The following MCC variants were observed in gnomAD, a reference collection of about 807,000 sequenced individuals.
MCC encodes the protein MCC regulator of Wnt signaling pathway, also known as colorectal mutant cancer protein.
In MCC, 90 loss-of-function variants were observed where a neutral mutation model predicts 116.2. The ratio of observed to expected loss-of-function variants is 0.77; its 90% CI spans 0.65 to 0.92. The LOEUF (loss-of-function observed/expected upper bound fraction) is 0.92, where lower values mean the gene tolerates loss of function less well. Ranked by LOEUF, MCC falls within the 40% of genes least tolerant of loss-of-function variation. The probability of loss-of-function intolerance (pLI) is 0.00; values close to 1 mark genes in which losing one functional copy is unlikely to be tolerated. For synonymous variants in MCC, 578 were observed against 510.5 expected, an observed-to-expected ratio of 1.13 and a Z score of -1.78; for missense variants, 1,516 against 1,312.2, an observed-to-expected ratio of 1.16 and a Z score of -2.40.
rs1366951907 is a variant in MCC at position 113,122,772 on chromosome 5, C to G, written c.939G>C (p.Glu313Asp). Residue 313 changes from glutamate to aspartate, a missense_variant, in exon 6 of 19, where the codon GAG (glutamate) becomes GAC (aspartate). Coordinates refer to ENST00000408903, the MANE Select transcript of MCC (RefSeq NM_001085377.2). ...LRSELSQSQH[E>D]VNEDSRSMDQ... ...CCATGCTTCGAGAGTCCTCGTTGACCTCGTGTTGGCTCTGGCTGAGTTCTG... is the reference window on the plus strand; with the variant it reads ...CCATGCTTCGAGAGTCCTCGTTGACGTCGTGTTGGCTCTGGCTGAGTTCTG... The G allele has an allele frequency of 1.2e-6, 2 of 1,614,042 alleles. No homozygotes were observed. Among genetic ancestry groups the G allele is most frequent in the African/African-American group, 2.7e-5 (2 of 74,906 alleles).
chr5:113,469,624 A>G (rs1412241631), intron 1 of MCC, among the ~76,000 whole-genome samples: 3 of 152,160 alleles, frequency 2.0e-5, no homozygotes, highest in African/African-American at 7.2e-5. Context: ...ATTTTGGAGT[A>G]GGTGTGGTGT....
At chr5:113,268,841 G>C (rs556184870) in intron 3 of MCC, among the ~76,000 whole-genome samples, 1 of 152,202 alleles carries the variant, frequency 6.6e-6, no homozygotes, top group African/African-American at 2.4e-5. Flanking sequence ...AAACACATTA[G>C]CTAAAACACA....
intron 3 of MCC, among the ~76,000 whole-genome samples, chr5:113,239,073 T>C (rs1353429070): frequency 6.6e-6 from 1 of 152,234 alleles, no homozygotes; most frequent in Non-Finnish European, 1.5e-5. Flanking sequence ...TTTTAGGATA[T>C]ATAACATTAA....
Position 113,027,383 on chromosome 5 carries a change from G to T in MCC, c.2979C>A (p.Thr993=). ...QMMAMVERHE[T]QVRMLKQRIA... ...TTCTTTGCTTGAGCATCCTCACTTG[G>T]GTCTCATGTCTCTCCACCATGGCCA... The change falls in exon 19 of 19, where the codon ACC becomes ACA. Residue 993 remains threonine, a synonymous_variant. Coordinates refer to ENST00000408903, the MANE Select transcript of MCC (RefSeq NM_001085377.2). The T allele has an allele frequency of 1.2e-6, 2 of 1,614,034 alleles. No individual in the cohort carries two copies. The highest frequency in any genetic ancestry group is 1.7e-6 in the Non-Finnish European group (2 of 1,179,988).
rs1351941896 is a variant in MCC at position 113,023,860 on chromosome 5, G to A, written c.*3442C>T. 6.6e-6 allele frequency: 1 copy of A among 152,188 alleles called. No homozygotes were observed. 9.4% of individuals were successfully genotyped at this position (152,188 alleles called of 1,614,324 possible). A position where few individuals can be genotyped will look rare whatever the true frequency, so the allele number is the denominator to read the frequency against. ...TGCTTTATAATTCTCGTGGGCCATA[G>A]GAAACACCTTCAGAAGGGAACAAGC... On this transcript the variant is annotated 3_prime_UTR_variant, in exon 19 of 19. Transcript: ENST00000408903.
intron 2 of MCC, among the ~76,000 whole-genome samples, chr5:113,344,005 T>G (rs766953277): frequency 1.8e-4 from 27 of 152,128 alleles, no homozygotes; most frequent in Non-Finnish European, 2.9e-4. Context: ...GGTTTTGACT[T>G]CCTCTCACTG....
intron 3 of MCC, among the ~76,000 whole-genome samples, chr5:113,286,399 G>A (rs1766264411): frequency 6.6e-6 from 1 of 152,186 alleles, no homozygotes. Context: ...AACTGCTTCA[G>A]TATTTCTCAC....
Position 113,229,674 on chromosome 5 carries a change from C to T in MCC, c.628-78252G>A, listed in dbSNP as rs1237730772. On this transcript the variant is annotated intron_variant, in intron 3 of 18. Transcript: ENST00000408903. ...AGTCAAAGACAGGCCACATATACAA[C>T]GGTGGTCCTGTAAGATTGTAATACC... Among the ~76,000 whole-genome samples the T allele has an allele frequency of 3.3e-5, 5 of 152,314 alleles. No individual in the cohort carries two copies. In the South Asian group the frequency reaches 6.2e-4, roughly 19 times the overall value.
intron 1 of MCC, 34 bp downstream of exon 1, chr5:113,488,211 G>A (rs774620253): frequency 1.3e-6 from 2 of 1,578,204 alleles, no homozygotes; most frequent in African/African-American, 1.4e-5. Flanking sequence ...GACTGATCTC[G>A]CTCCTGTCGG....
intron 3 of MCC, among the ~76,000 whole-genome samples, chr5:113,223,565 G>A (rs2150330378): frequency 6.6e-6 from 1 of 152,272 alleles, no homozygotes; most frequent in South Asian, 2.1e-4. Context: ...TCTATATTAA[G>A]GCAGTGGAAG....
Position 113,093,469 on chromosome 5 carries a change from A to ATCTCTCTC in MCC, c.1399-8167_1399-8160dup, listed in dbSNP as rs144701142. Among the ~76,000 whole-genome samples, 528 of 149,292 alleles carry ATCTCTCTC rather than the reference A, an allele frequency of 3.5e-3. 5 individuals are homozygous for ATCTCTCTC. Among genetic ancestry groups the ATCTCTCTC allele is most frequent in the Middle Eastern group, 0.011 (3 of 282 alleles). ...ATCTATCTTATCTATCTATCTGTTG[A>ATCTCTCTC]TCTCTCTCTCTCTCTCTCTCTCAAT... On this transcript the variant is annotated intron_variant, in intron 8 of 18. Transcript: ENST00000408903.
chr5:113,399,943 G>A (rs1228279576), intron 1 of MCC: 2 of 152,018 alleles, frequency 1.3e-5, no homozygotes, highest in Non-Finnish European at 2.9e-5. Context: ...CCCTTTCCAG[G>A]TGAAACGTCA....
At chr5:113,129,119 C>A (rs192065959) in intron 5 of MCC, among the ~76,000 whole-genome samples, 1 of 152,238 alleles carries the variant, frequency 6.6e-6, no homozygotes, top group Non-Finnish European at 1.5e-5. Context: ...GGGTTGAGTG[C>A]CAATCCTGAG....
chr5:113,392,645 G>A (rs1406752772), intron 1 of MCC, among the ~76,000 whole-genome samples: 2 of 152,076 alleles, frequency 1.3e-5, no homozygotes, highest in South Asian at 2.1e-4. Flanking sequence ...ATTGAGAAGA[G>A]GTTAACAATA....
At chr5:113,411,873 T>C (rs1770002663) in intron 1 of MCC, among the ~76,000 whole-genome samples, 1 of 152,226 alleles carries the variant, frequency 6.6e-6, no homozygotes, top group Non-Finnish European at 1.5e-5. Context: ...TGGTATTCCC[T>C]GGGTTTTCTT....
At chr5:113,131,271 C>T (rs1326690286) in intron 5 of MCC, among the ~76,000 whole-genome samples, 1 of 152,094 alleles carries the variant, frequency 6.6e-6, no homozygotes, top group Non-Finnish European at 1.5e-5. Context: ...CTTTTCACAT[C>T]CAGTGAGCTA....
At chr5:113,038,370 A>G (rs781188474) in intron 17 of MCC, among the ~76,000 whole-genome samples, 1 of 152,128 alleles carries the variant, frequency 6.6e-6, no homozygotes, top group Non-Finnish European at 1.5e-5. Flanking sequence ...CCCTGGCCCT[A>G]AAAGGACTCT....
At chr5:113,265,037 C>CA (rs201742566) in intron 3 of MCC, among the ~76,000 whole-genome samples, 242 of 148,482 alleles carry the variant, frequency 1.6e-3, no homozygotes, top group African/African-American at 4.6e-3. Flanking sequence ...AAGACTGTCT[C>CA]AAAAAAAAAA....
intron 1 of MCC, among the ~76,000 whole-genome samples, chr5:113,393,754 C>G (rs1376891477): frequency 6.6e-6 from 1 of 152,136 alleles, no homozygotes; most frequent in Non-Finnish European, 1.5e-5. Context: ...CCCAGAGACA[C>G]ATTTCTTTCT....
Sources: allele counts gnomAD v4.1 joint callset (sites outside exome capture counted in the v4.1 genomes callset), GRCh38; gene constraint gnomAD v4.1.1; transcripts MANE v1.5; gene names NCBI Gene and HGNC (gene_info 2026-07-23, HGNC 2026-07-21).